MRAP2: variants seen among roughly 807,000 people sequenced by gnomAD.
The protein encoded by MRAP2 is melanocortin-2 receptor accessory protein 2.
In MRAP2, 20 loss-of-function variants were observed where a neutral mutation model predicts 17.4. The ratio of observed to expected loss-of-function variants is 1.15; its 90% CI spans 0.81 to 1.67. The LOEUF (loss-of-function observed/expected upper bound fraction) is 1.67. MRAP2 is among the 40% of genes most tolerant of loss of function. The pLI is 0.00. For missense variants in MRAP2, 238 were observed against 240.0 expected (o/e 0.99, Z 0.05); for synonymous variants, 96 against 88.4 (o/e 1.09, Z -0.48).
chr6:84,033,759 G>C, upstream of MRAP2: 1 of 985,808 alleles, frequency 1.0e-6, no homozygotes, highest in Non-Finnish European at 1.2e-6. Flanking sequence ...GCCGCACCTC[G>C]GATCTAGGAG....
At chr6:84,065,769 C>T (rs2099494519) in intron 3 of MRAP2, among the ~76,000 whole-genome samples, 2 of 152,046 alleles carry the variant, frequency 1.3e-5, no homozygotes, top group Admixed American at 6.6e-5. Context: ...TTGAGCGTAC[C>T]ATTTATCAGT....
chr6:84,122,178 A>T, the MRAP2 span, among the ~76,000 whole-genome samples: 1 of 152,018 alleles, frequency 6.6e-6, no homozygotes, highest in Non-Finnish European at 1.5e-5. Context: ...TATTCCAAAA[A>T]AACTGAAGAG....
At chr6:84,063,149 C>T (rs1420324639) in intron 3 of MRAP2, 157 bp downstream of exon 3, 10 of 985,276 alleles carry the variant, frequency 1.0e-5, no homozygotes, top group African/African-American at 1.7e-5. Context: ...TGGGATCCAG[C>T]TATTCTCCTG....
At chr6:84,061,974 A>G (rs1010503961) in intron 2 of MRAP2, 22 of 985,458 alleles carry the variant, frequency 2.2e-5, no homozygotes, top group Non-Finnish European at 2.7e-5. Flanking sequence ...AATAAAGCAC[A>G]GGGAAAGGCA....
chr6:84,087,044 C>T (rs1036686552), intron 3 of MRAP2, among the ~76,000 whole-genome samples: 5 of 152,116 alleles, frequency 3.3e-5, no homozygotes, highest in Admixed American at 3.3e-4. Context: ...CTTTGTGAAC[C>T]CCCAAAATCC....
At chr6:84,135,523 T>C in the MRAP2 span, among the ~76,000 whole-genome samples, 1 of 152,168 alleles carries the variant, frequency 6.6e-6, no homozygotes, top group Non-Finnish European at 1.5e-5. Context: ...AAACTACACA[T>C]CTCAATTTAA....
intron 3 of MRAP2, among the ~76,000 whole-genome samples, chr6:84,067,597 G>T (rs559843711): frequency 6.6e-6 from 1 of 151,996 alleles, no homozygotes; most frequent in Non-Finnish European, 1.5e-5. Flanking sequence ...AGGTGATATC[G>T]CACTGTGGCT....
chr6:84,121,875 G>A, the MRAP2 span, among the ~76,000 whole-genome samples: 2 of 142,342 alleles, frequency 1.4e-5, no homozygotes, highest in Non-Finnish European at 2.9e-5. Flanking sequence ...ACCTAACATC[G>A]CACCTCAAGG....
chr6:84,044,355 T>G (rs1185632593), intron 1 of MRAP2, among the ~76,000 whole-genome samples: 1 of 152,124 alleles, frequency 6.6e-6, no homozygotes, highest in Non-Finnish European at 1.5e-5. Context: ...CCTGGCTAAT[T>G]TTTGTATTTT....
chr6:84,093,254 T>A (rs79176450), downstream of MRAP2, among the ~76,000 whole-genome samples: 1 of 142,826 alleles, frequency 7.0e-6, no homozygotes, highest in African/African-American at 2.9e-5. Context: ...AGAGAGAGAA[T>A]AGGGCAAGAA....
At chr6:84,076,502 G>A (rs1418084293) in intron 3 of MRAP2, among the ~76,000 whole-genome samples, 1 of 151,710 alleles carries the variant, frequency 6.6e-6, no homozygotes, top group Non-Finnish European at 1.5e-5. Flanking sequence ...GGGATTACAG[G>A]TGTGAGCCAC....
chr6:84,110,011 T>C, the MRAP2 span, among the ~76,000 whole-genome samples: 4 of 152,182 alleles, frequency 2.6e-5, no homozygotes, highest in Admixed American at 2.6e-4. Flanking sequence ...TTGATGGGCA[T>C]TTGGGTTGGT....
downstream of MRAP2, among the ~76,000 whole-genome samples, chr6:84,093,684 C>T (rs1337575952): frequency 6.6e-6 from 1 of 152,150 alleles, no homozygotes; most frequent in African/African-American, 2.4e-5. Flanking sequence ...GTTTCTCTAG[C>T]GCTTGGGCAG....
chr6:84,054,776 A>C (rs897439516), intron 1 of MRAP2, among the ~76,000 whole-genome samples: 3 of 152,136 alleles, frequency 2.0e-5, no homozygotes, highest in Admixed American at 1.3e-4. Context: ...GCCTCCACAC[A>C]TAGGCTGATT....
intron 2 of MRAP2, among the ~76,000 whole-genome samples, chr6:84,057,348 C>T (rs910287131): frequency 3.3e-5 from 5 of 152,186 alleles, no homozygotes; most frequent in African/African-American, 1.2e-4. Context: ...GCACTCATTG[C>T]GGACAGGAAT....
At chr6:84,145,634 T>C in the MRAP2 span, among the ~76,000 whole-genome samples, 2 of 152,188 alleles carry the variant, frequency 1.3e-5, no homozygotes, top group East Asian at 3.9e-4. Flanking sequence ...TTCTCCAAAC[T>C]AGTATTTCAA....
chr6:84,137,751 T>C, the MRAP2 span, among the ~76,000 whole-genome samples: 2 of 151,986 alleles, frequency 1.3e-5, no homozygotes, highest in African/African-American at 4.8e-5. Flanking sequence ...GAACAATAGA[T>C]TGAAAAATCT....
At chr6:84,062,419 A>T in intron 2 of MRAP2, 1 of 503,442 alleles carries the variant, frequency 2.0e-6, no homozygotes, top group Non-Finnish European at 2.6e-6. Flanking sequence ...CTCTGAATCT[A>T]TTCTGATTCT....
At chr6:84,110,389 T>A in the MRAP2 span, among the ~76,000 whole-genome samples, 5 of 152,266 alleles carry the variant, frequency 3.3e-5, no homozygotes, top group Admixed American at 1.3e-4. Flanking sequence ...AAATGTTTTC[T>A]TTTGAGAACT....
Sources: allele counts gnomAD v4.1 joint callset (sites outside exome capture counted in the v4.1 genomes callset), GRCh38; gene constraint gnomAD v4.1.1; transcripts MANE v1.5; gene names NCBI Gene and HGNC (gene_info 2026-07-23, HGNC 2026-07-21).